Variants in SSH1 observed in about 807,000 individuals in gnomAD.
SSH1 encodes protein phosphatase Slingshot homolog 1.
Under a neutral mutation model 79.7 loss-of-function variants are expected in SSH1, and 43 were observed. The ratio of observed to expected loss-of-function variants is 0.54; its 90% CI spans 0.42 to 0.70. The LOEUF is 0.70. SSH1 is among the 30% of genes least tolerant of loss of function. The pLI is 0.00. For synonymous variants in SSH1, 599 were observed against 538.3 expected (o/e 1.11, Z -1.56); for missense variants, 1,206 against 1,358.8 (o/e 0.89, Z 1.77).
intron 3 of SSH1, among the ~76,000 whole-genome samples, chr12:108,820,006 A>T (rs141214767): frequency 6.6e-6 from 1 of 152,080 alleles, no homozygotes; most frequent in African/African-American, 2.4e-5. Flanking sequence ...TTGTGCCTCT[A>T]GCCAGGAGGG....
At chr12:108,789,328 G>A (rs1372899208) in intron 14 of SSH1, 84 bp from the exon 15 acceptor site, 8 of 1,431,470 alleles carry the variant, frequency 5.6e-6, no homozygotes, top group Middle Eastern at 1.8e-4. Context: ...AGGGAAAGGG[G>A]TGCGAGGCCG....
rs183191325 is a variant in SSH1 at position 108,827,617 on chromosome 12, T to C, written c.111-4256A>G. On this transcript the variant is annotated intron_variant, in intron 2 of 14. Transcript: ENST00000326495. ...AGCAAAACAGCTGAGGTTCCTCTAA[T>C]CACTGCACTCCTACGGGCTTTTCTG... is the stretch of plus-strand genomic sequence containing the variant. 1.2e-4 allele frequency: 145 copies of C among 1,183,824 alleles called. No homozygotes were observed. In the East Asian group the frequency reaches 4.7e-3, roughly 39 times the overall value. 73.3% of individuals were successfully genotyped at this position (1,183,824 alleles called of 1,614,324 possible).
chr12:108,780,910 T>G lies in SSH1; in HGVS notation c.*7078A>C, dbSNP rs528545167. ...AAAATTAGCCAGGCGTGGTGGCACA[T>G]GCCTGTATTCCCAGCTACTCGGGAG... is the stretch of plus-strand genomic sequence containing the variant. On this transcript the variant is annotated 3_prime_UTR_variant, in exon 15 of 15. Transcript: ENST00000326495. 1.2e-4 allele frequency: 18 copies of G among 152,250 alleles called. No individual in the cohort carries two copies. The East Asian group carries it at 3.5e-3, about 29-fold the overall frequency. 9.4% of individuals were successfully genotyped at this position (152,250 alleles called of 1,614,324 possible). A position where few individuals can be genotyped will look rare whatever the true frequency, so the allele number is the denominator to read the frequency against.
At chr12:108,834,522 A>G (rs928743240) in intron 2 of SSH1, 5 of 152,208 alleles carry the variant, frequency 3.3e-5, no homozygotes, top group African/African-American at 9.7e-5. Context: ...CAGACAGAAA[A>G]TACAGTATTT....
intron 2 of SSH1, among the ~76,000 whole-genome samples, chr12:108,837,558 CT>C (rs993740884): frequency 2.3e-4 from 35 of 152,274 alleles, no homozygotes; most frequent in African/African-American, 8.4e-4. Flanking sequence ...AAAGAAAGTT[CT>C]TTTCACTGTA....
At position 108,785,045 on chromosome 12, in the gene SSH1, CACAG is replaced by C. The variant is rs2036233097; in HGVS notation, c.*2939_*2942del. On this transcript the variant is annotated 3_prime_UTR_variant, in exon 15 of 15. Transcript: ENST00000326495. Reference sequence around the variant, plus strand: ...TATGTTACAGTGCAAACTTCCTTTTCACAGACAGCATGAATTCGTCTTTGCCCAG... The same window carrying C: ...TATGTTACAGTGCAAACTTCCTTTTCACAGCATGAATTCGTCTTTGCCCAG... The C allele has an allele frequency of 1.3e-5, 2 of 152,242 alleles. No individual in the cohort carries two copies. Among genetic ancestry groups the C allele is most frequent in the Admixed American group, 1.3e-4 (2 of 15,276 alleles). The allele number at this position is 152,242 out of a possible 1,614,324, so 9.4% of individuals were successfully genotyped here.
chr12:108,835,632 A>G (rs2038584294), intron 2 of SSH1, among the ~76,000 whole-genome samples: 1 of 135,060 alleles, frequency 7.4e-6, no homozygotes, highest in Non-Finnish European at 1.5e-5. Flanking sequence ...TTCTCCTCCC[A>G]ACAATTCAGA....
chr12:108,800,830 T>A lies in SSH1; in HGVS notation c.1098A>T (p.Thr366=). Residue 366 remains threonine, a synonymous_variant, in exon 12 of 15, where the codon ACA becomes ACT. Coordinates refer to ENST00000326495, the MANE Select transcript of SSH1 (RefSeq NM_018984.4). Reference sequence around the variant, plus strand: ...CTTCATTCCAGTGGGCGAGGAGGTCTGTGGTCTCTTCATCGTAGACTCGGA... The same window carrying A: ...CTTCATTCCAGTGGGCGAGGAGGTCAGTGGTCTCTTCATCGTAGACTCGGA... The part of the protein sequence containing the change: ...HNIRVYDEET[T]DLLAHWNEAY... 1 of 1,614,222 alleles carries A rather than the reference T, an allele frequency of 6.2e-7. No homozygotes were observed. The highest frequency in any genetic ancestry group is 8.5e-7 in the Non-Finnish European group (1 of 1,180,030).
chr12:108,798,978 T>C (rs1460558108), intron 13 of SSH1, 22 bp downstream of exon 13: 5 of 1,609,788 alleles, frequency 3.1e-6, no homozygotes, highest in Non-Finnish European at 4.2e-6. Context: ...CTGCCAACCC[T>C]TCTCTCCAGG....
chr12:108,789,155 A>G lies in SSH1; in HGVS notation c.1983T>C (p.Pro661=). 3 of 1,613,066 alleles carry G rather than the reference A, an allele frequency of 1.9e-6. No homozygotes were observed. The highest frequency in any genetic ancestry group is 2.5e-6 in the Non-Finnish European group (3 of 1,179,482). Residue 661 remains proline, a synonymous_variant, in exon 15 of 15, where the codon CCT becomes CCC. Coordinates refer to ENST00000326495, the MANE Select transcript of SSH1 (RefSeq NM_018984.4). ...CCTCACATCGCTCCCTGGAGGCCTC[A>G]GGAGCCCCGCTGGCTGTAGGGTACA... ...DCMYPTASGA[P]EASRERCEDP...
At chr12:108,853,358 G>C (rs1246568602) in intron 1 of SSH1, 16 of 984,816 alleles carry the variant, frequency 1.6e-5, no homozygotes, top group Non-Finnish European at 1.9e-5. Flanking sequence ...TTTTCTTTCA[G>C]AGAGCAAACT....
In SSH1 at chr12:108,784,360, G is replaced by C. The variant is rs2036213047; in HGVS notation, c.*3628C>G. Reference sequence around the variant, plus strand: ...CTTTAGCTGAAGAGGACAGGGTGGAGCAGAATGGGCTTGGACAGTACAGCT... The same window carrying C: ...CTTTAGCTGAAGAGGACAGGGTGGACCAGAATGGGCTTGGACAGTACAGCT... On this transcript the variant is annotated 3_prime_UTR_variant, in exon 15 of 15. Transcript: ENST00000326495. 6.6e-6 allele frequency: 1 copy of C among 152,272 alleles called. No individual in the cohort carries two copies. Among genetic ancestry groups the C allele is most frequent in the Non-Finnish European group, 1.5e-5 (1 of 68,090 alleles). The allele number at this position is 152,272 out of a possible 1,614,324, so 9.4% of individuals were successfully genotyped here. A position where few individuals can be genotyped will look rare whatever the true frequency, so the allele number is the denominator to read the frequency against.
chr12:108,852,529 C>T, intron 2 of SSH1, 109 bp downstream of exon 2: 2 of 1,426,438 alleles, frequency 1.4e-6, no homozygotes, highest in Non-Finnish European at 2.0e-6. Flanking sequence ...CGCACCCAGC[C>T]CAAAATTGGC....
Position 108,857,098 on chromosome 12 carries a change from G to T in SSH1, c.69+330C>A, listed in dbSNP as rs1417994942. Reference sequence around the variant, plus strand: ...GCCTAACAGGGGTCACCCCAAGATGGGGGTAACCCCCTGATGTGGGTCACA... The same window carrying T: ...GCCTAACAGGGGTCACCCCAAGATGTGGGTAACCCCCTGATGTGGGTCACA... On this transcript the variant is annotated intron_variant, in intron 1 of 14. Coordinates refer to ENST00000326495, the MANE Select transcript of SSH1 (RefSeq NM_018984.4). This position sits in a 1 kb window ranked among gnomAD's most constrained non-coding sequence, Gnocchi z 4.7. Among the ~76,000 whole-genome samples, 1 of 152,178 alleles carries T rather than the reference G, an allele frequency of 6.6e-6. No homozygotes were observed. Among genetic ancestry groups the T allele is most frequent in the Non-Finnish European group, 1.5e-5 (1 of 68,028 alleles).
chr12:108,821,344 T>C (rs1294645062), intron 3 of SSH1, among the ~76,000 whole-genome samples: 1 of 151,530 alleles, frequency 6.6e-6, no homozygotes, highest in East Asian at 1.9e-4. Flanking sequence ...CAGTGAGCTA[T>C]GATCAGGCCA....
chr12:108,789,192 C>T lies in SSH1; in HGVS notation c.1946G>A (p.Cys649Tyr). 6.2e-7 allele frequency: 1 copy of T among 1,608,288 alleles called. No individual in the cohort carries two copies. The highest frequency in any genetic ancestry group is 8.5e-7 in the Non-Finnish European group (1 of 1,177,224). Residue 649 changes from cysteine (C) to tyrosine (Y), a missense_variant, in exon 15 of 15, where the codon TGT (cysteine) becomes TAT (tyrosine). Cys to Tyr is a radical substitution (Grantham distance 194). Around this residue, in one of 5 missense-constraint regions of SSH1, gnomAD observed 709 missense variants for 730.6 expected, o/e 0.97. Transcript: ENST00000326495. ...GGCTGTAGGGTACATGCAGTCGGCA[C>T]AGGATTTATAGGAAGGCTTCACTTT... ...LNKVKPSYKS[C>Y]ADCMYPTASG...
chr12:108,852,860 T>TG (rs2039072291), intron 1 of SSH1, 182 bp from the exon 2 acceptor site: 3 of 985,296 alleles, frequency 3.0e-6, no homozygotes, highest in Admixed American at 1.2e-4. Flanking sequence ...GTCATTTCCG[T>TG]GGGGGAATTT....
rs2036147047 is a variant in SSH1, at chr12:108,781,564, TG to T, written c.*6423del. On this transcript the variant is annotated 3_prime_UTR_variant, in exon 15 of 15. Coordinates refer to ENST00000326495, the MANE Select transcript of SSH1 (RefSeq NM_018984.4). ...AGAGACAGAGCAAGTCCAGATGAAC[TG>T]AACAAAATACTTCCTGGCTCTGCAG... 6.6e-6 allele frequency: 1 copy of T among 152,202 alleles called. No individual in the cohort carries two copies. The highest frequency in any genetic ancestry group is 1.5e-5 in the Non-Finnish European group (1 of 68,040). The allele number at this position is 152,202 out of a possible 1,614,324, so 9.4% of individuals were successfully genotyped here. A position where few individuals can be genotyped will look rare whatever the true frequency, so the allele number is the denominator to read the frequency against.
rs1437621079 is a variant in SSH1, at chr12:108,797,825, T to C, written c.1349+1175A>G. Among the ~76,000 whole-genome samples, 5 of 152,218 alleles carry C rather than the reference T, an allele frequency of 3.3e-5. No individual in the cohort carries two copies. In the East Asian group the frequency reaches 5.8e-4, roughly 18 times the overall value. On this transcript the variant is annotated intron_variant, in intron 13 of 14. Transcript: ENST00000326495. ...ATTCGCCCATGTGACCTCATTCCTC[T>C]TGAGCACCAGACAAGAATTCAGGAC...
Sources: gnomAD v4.1 joint callset for allele counts (sites outside exome capture counted in the v4.1 genomes callset) on GRCh38, gnomAD v4.1.1 for gene constraint, gnomAD v4.1.1 regional missense constraint, Gnocchi (gnomAD v3.1) non-coding constraint, MANE v1.5 for transcripts, NCBI Gene and HGNC (gene_info 2026-07-23, HGNC 2026-07-21) for gene names.